Variants in DHX57 observed in about 807,000 individuals in gnomAD.
The protein encoded by DHX57 is DExH-box helicase 57, also known as putative ATP-dependent RNA helicase DHX57.
A neutral mutation model predicts 156.2 loss-of-function variants in DHX57; 105 were observed. The ratio of observed to expected loss-of-function variants is 0.67; its 90% confidence interval spans 0.57 to 0.79. The LOEUF (loss-of-function observed/expected upper bound fraction) is 0.79, where lower values mean the gene tolerates loss of function less well. Among genes scored for constraint, DHX57 ranks in the 30% least tolerant of loss-of-function variants. DHX57 has a pLI of 0.00. For synonymous variants in DHX57, 704 were observed against 595.6 expected (o/e 1.18, Z -2.65); for missense variants, 1,847 against 1,661.9 (o/e 1.11, Z -1.94).
chr2:38,817,356 C>T (rs537885466), intron 19 of DHX57, among the ~76,000 whole-genome samples: 1 of 152,206 alleles, frequency 6.6e-6, no homozygotes, highest in East Asian at 1.9e-4. Context: ...CCTCTGTTGC[C>T]CAGGCTGGAG....
At chr2:38,840,042 G>T (rs1400421140) in intron 12 of DHX57, among the ~76,000 whole-genome samples, 1 of 152,066 alleles carries the variant, frequency 6.6e-6, no homozygotes, top group Admixed American at 6.6e-5. Context: ...GGCCCTTGGG[G>T]TTCAAATGAT....
chr2:38,868,525 T>A, intron 1 of DHX57, 114 bp from the exon 2 acceptor site: 2 of 1,080,140 alleles, frequency 1.9e-6, no homozygotes, highest in Non-Finnish European at 2.6e-6. Context: ...AAAATGCATA[T>A]GTAAAAAGAG....
rs772679797 is a variant in DHX57 at position 38,823,159 on chromosome 2, T to C, written c.3125A>G (p.Asp1042Gly). ...TTCATCTGGAGTTAATGCTCCTAAG[T>C]CTCGTAATCGTATTTTTGAGGCACG... is the stretch of plus-strand genomic sequence containing the variant. ...SLRASKIRLR[D>G]LGALTPDERL... Residue 1042 changes from aspartate (D) to glycine (G), a missense_variant, in exon 17 of 24, where the codon GAC becomes GGC. Asp to Gly is a moderately conservative substitution (Grantham distance 94). Transcript: ENST00000457308. 1.9e-6 allele frequency: 3 copies of C among 1,614,156 alleles called. No homozygotes were observed. In the South Asian group the frequency reaches 3.3e-5, roughly 18 times the overall value.
intron 9 of DHX57, among the ~76,000 whole-genome samples, chr2:38,852,482 G>C (rs1437528176): frequency 6.6e-6 from 1 of 151,484 alleles, no homozygotes; most frequent in Non-Finnish European, 1.5e-5. Context: ...ATTTTCACAG[G>C]ACTTTCTCTT....
rs200694609 is a variant in DHX57, at chr2:38,856,366, C to T, written c.1683G>A (p.Gln561=). ...ETILNLLRKH[Q]VVVISGMTGC... ...CAGTCATACCACTTATGACAACCAC[C>T]TGGTGCTTACGCAATAAGTTAAGAA... is the stretch of plus-strand genomic sequence containing the variant. Residue 561 remains glutamine, a synonymous_variant, in exon 7 of 24, where the codon CAG becomes CAA. Coordinates refer to ENST00000457308, the MANE Select transcript of DHX57 (RefSeq NM_198963.3). 1.7e-5 allele frequency: 28 copies of T among 1,612,828 alleles called. No individual in the cohort carries two copies. The Admixed American group carries it at 2.7e-4, about 15-fold the overall frequency.
At chr2:38,820,439 C>G (rs747514166) in intron 17 of DHX57, among the ~76,000 whole-genome samples, 12 of 151,954 alleles carry the variant, frequency 7.9e-5, no homozygotes, top group Non-Finnish European at 1.6e-4. Context: ...ATCAACGTCT[C>G]TAATGAGTCT....
intron 21 of DHX57, among the ~76,000 whole-genome samples, chr2:38,813,393 T>C (rs1056702407): frequency 2.5e-4 from 38 of 151,824 alleles, no homozygotes; most frequent in African/African-American, 8.7e-4. Flanking sequence ...TTTTTTGAGA[T>C]GGAGTCTCCA....
At chr2:38,856,307 T>A (rs376488415) in intron 7 of DHX57, 33 bp downstream of exon 7, 1 of 1,592,072 alleles carries the variant, frequency 6.3e-7, no homozygotes, top group South Asian at 1.2e-5. Context: ...TATTTATAGA[T>A]GAAAGCTACA....
chr2:38,806,904 G>T (rs1220313161), intron 21 of DHX57, among the ~76,000 whole-genome samples: 1 of 148,624 alleles, frequency 6.7e-6, no homozygotes, highest in Non-Finnish European at 1.5e-5. Context: ...ATGAATATAG[G>T]TGCAGTGGCT....
At chr2:38,842,947 A>G in intron 12 of DHX57, 58 bp downstream of exon 12, 1 of 1,558,434 alleles carries the variant, frequency 6.4e-7, no homozygotes, top group East Asian at 2.3e-5. Context: ...AATCTTGGTA[A>G]GAAAGAATAC....
chr2:38,811,835 A>G (rs77210385), intron 21 of DHX57, among the ~76,000 whole-genome samples: 1,636 of 152,252 alleles, frequency 0.011, 21 homozygotes, highest in East Asian at 0.058. Flanking sequence ...TAGCCTCAAA[A>G]CTATATTGTC....
At chr2:38,816,347 T>A (rs1670546868) in intron 19 of DHX57, among the ~76,000 whole-genome samples, 1 of 152,108 alleles carries the variant, frequency 6.6e-6, no homozygotes, top group Non-Finnish European at 1.5e-5. Context: ...CCCGAGTAGC[T>A]GGGGCTACAG....
chr2:38,862,358 A>G, intron 3 of DHX57, 25 bp from the exon 4 acceptor site: 1 of 1,517,626 alleles, frequency 6.6e-7, no homozygotes, highest in Non-Finnish European at 8.9e-7. Flanking sequence ...ATTTTCATAT[A>G]TTAGATATTA....
At chr2:38,806,348 T>A in intron 22 of DHX57, 1 of 501,732 alleles carries the variant, frequency 2.0e-6, no homozygotes, top group Non-Finnish European at 3.4e-6. Context: ...GCTTGAGTAC[T>A]TTTTGGTATT....
At chr2:38,820,150 T>G (rs1186498680) in intron 17 of DHX57, among the ~76,000 whole-genome samples, 1 of 152,132 alleles carries the variant, frequency 6.6e-6, no homozygotes, top group African/African-American at 2.4e-5. Context: ...ATCTTATAAC[T>G]AATACAATAG....
chr2:38,867,796 G>A (rs1045199542), intron 2 of DHX57, among the ~76,000 whole-genome samples: 16 of 152,210 alleles, frequency 1.1e-4, no homozygotes, highest in African/African-American at 2.9e-4. Context: ...GACCTCAAGC[G>A]ATCCACACAC....
chr2:38,843,652 A>T (rs557439434), intron 11 of DHX57, among the ~76,000 whole-genome samples: 1 of 152,202 alleles, frequency 6.6e-6, no homozygotes, highest in Admixed American at 6.5e-5. Context: ...TTCTTAAAAC[A>T]TTTCAAAACT....
intron 21 of DHX57, among the ~76,000 whole-genome samples, chr2:38,809,541 A>G (rs1452523029): frequency 6.7e-6 from 1 of 149,850 alleles, no homozygotes; most frequent in African/African-American, 2.5e-5. Context: ...AGCTCACTGC[A>G]ACCTCTGCCT....
chr2:38,799,475 G>C (rs1572606257), intron 23 of DHX57, among the ~76,000 whole-genome samples: 1 of 151,122 alleles, frequency 6.6e-6, no homozygotes. Context: ...AGATAGGCTG[G>C]GCCGGGTGGC....
Sources: gnomAD v4.1 joint callset for allele counts (sites outside exome capture counted in the v4.1 genomes callset) on GRCh38, gnomAD v4.1.1 for gene constraint, MANE v1.5 for transcripts, NCBI Gene and HGNC (gene_info 2026-07-23, HGNC 2026-07-21) for gene names.